Variants in NEDD9 observed in about 807,000 individuals in gnomAD.
NEDD9 encodes enhancer of filamentation 1.
A neutral mutation model predicts 76.6 loss-of-function variants in NEDD9; 26 were observed. The observed-to-expected ratio is 0.34, with a 90% CI of 0.25 to 0.47. The LOEUF is 0.47. Ranked by LOEUF, NEDD9 falls within the 20% of genes least tolerant of loss-of-function variation. The pLI, the probability that NEDD9 is intolerant of heterozygous loss-of-function variation, is 1.00. For synonymous variants in NEDD9, 392 were observed against 414.2 expected (o/e 0.95, Z 0.65); for missense variants, 937 against 1,058.5 (o/e 0.89, Z 1.59).
intron 3 of NEDD9, chr6:11,305,927 T>G: frequency 6.4e-7 from 1 of 1,564,582 alleles, no homozygotes; most frequent in East Asian, 2.2e-5. Flanking sequence ...TTGCAGAGAA[T>G]TTAGGCTGAG....
At chr6:11,374,995 C>T (rs1478828593) in intron 1 of NEDD9, among the ~76,000 whole-genome samples, 1 of 152,126 alleles carries the variant, frequency 6.6e-6, no homozygotes, top group Non-Finnish European at 1.5e-5. Context: ...TTTGATGTCC[C>T]CTAGCTAAAA....
At chr6:11,331,172 G>A (rs1046827028) in intron 2 of NEDD9, among the ~76,000 whole-genome samples, 1 of 152,166 alleles carries the variant, frequency 6.6e-6, no homozygotes, top group East Asian at 1.9e-4. Context: ...GATCTCCATG[G>A]GGAACAGTGG....
chr6:11,206,426 A>G (rs560067553), intron 2 of NEDD9, among the ~76,000 whole-genome samples: 4 of 151,782 alleles, frequency 2.6e-5, no homozygotes, highest in African/African-American at 7.2e-5. Flanking sequence ...TCTCAAAAAT[A>G]AAAAAAAAGA....
At chr6:11,242,456 G>C (rs1287765565) in intron 3 of NEDD9, among the ~76,000 whole-genome samples, 1 of 152,106 alleles carries the variant, frequency 6.6e-6, no homozygotes, top group Non-Finnish European at 1.5e-5. Context: ...GTGGAGAGTA[G>C]TGACAAGAAG....
At chr6:11,349,700 A>G (rs543778050) in intron 1 of NEDD9, among the ~76,000 whole-genome samples, 46 of 152,350 alleles carry the variant, frequency 3.0e-4, no homozygotes, top group African/African-American at 9.9e-4. Flanking sequence ...GTTCTTACTT[A>G]TAAGTGGGAG....
chr6:11,348,897 T>C (rs533782949), intron 1 of NEDD9, among the ~76,000 whole-genome samples: 3 of 152,252 alleles, frequency 2.0e-5, no homozygotes, highest in African/African-American at 7.2e-5. Flanking sequence ...CCAAAAGCAA[T>C]CTCAACAAAA....
intron 3 of NEDD9, among the ~76,000 whole-genome samples, chr6:11,273,921 C>T (rs1459030512): frequency 6.6e-6 from 1 of 152,180 alleles, no homozygotes; most frequent in South Asian, 2.1e-4. Context: ...CCAAGTCGAG[C>T]AAAGAAATGT....
intron 2 of NEDD9, among the ~76,000 whole-genome samples, chr6:11,194,060 C>G (rs1758230281): frequency 6.6e-6 from 1 of 152,028 alleles, no homozygotes. Context: ...AGGGTTTCAT[C>G]ATGTTGGCTG....
intron 3 of NEDD9, among the ~76,000 whole-genome samples, chr6:11,281,528 T>TA (rs1760538284): frequency 6.6e-6 from 1 of 152,188 alleles, no homozygotes; most frequent in African/African-American, 2.4e-5. Flanking sequence ...CTTTTGTTTT[T>TA]ATCTTTTTAG....
Position 11,213,535 on chromosome 6 carries a change from C to T in NEDD9, c.205G>A (p.Glu69Lys), listed in dbSNP as rs568561502. The change falls in exon 2 of 7, where the codon GAG becomes AAG. Residue 69 changes from glutamate to lysine, a missense_variant. Transcript: ENST00000379446. This position sits in a 1 kb window ranked among gnomAD's most constrained non-coding sequence, Gnocchi z 5.4. ...GGCTGCTCGTGACTGGAGGCAGTCT[C>T]CTGCATGGGACCAATCAGAAGCTTC... ...RVKLLIGPMQ[E>K]TASSHEQPAS... 1 of 1,614,148 alleles carries T rather than the reference C, an allele frequency of 6.2e-7. No individual in the cohort carries two copies. Among genetic ancestry groups the T allele is most frequent in the East Asian group, 2.2e-5 (1 of 44,874 alleles).
chr6:11,355,785 A>T (rs1236580564), intron 1 of NEDD9, among the ~76,000 whole-genome samples: 1 of 151,642 alleles, frequency 6.6e-6, no homozygotes, highest in Non-Finnish European at 1.5e-5. Context: ...CAGTGGCGCG[A>T]TCTCCGCTCA....
At position 11,241,014 on chromosome 6, in the gene NEDD9, A is replaced by C. The variant is rs929381183; in HGVS notation, c.13-27287T>G. Among the ~76,000 whole-genome samples the C allele has an allele frequency of 6.6e-6, 1 of 152,210 alleles. No individual in the cohort carries two copies. The highest frequency in any genetic ancestry group is 6.5e-5 in the Admixed American group (1 of 15,284). On this transcript the variant is annotated intron_variant, in intron 3 of 3. Coordinates refer to the NEDD9 transcript ENST00000397378. The surrounding 1 kb of genome is among the most constrained non-coding windows in gnomAD (Gnocchi z 4.0). ...GAGGTGTTCTGTTATTACATGCTTTAGTTTGTCCAAATAAACAACTTGTTA... is the reference window on the plus strand; with the variant it reads ...GAGGTGTTCTGTTATTACATGCTTTCGTTTGTCCAAATAAACAACTTGTTA...
At chr6:11,266,061 C>G (rs941169725) in intron 3 of NEDD9, among the ~76,000 whole-genome samples, 1 of 151,876 alleles carries the variant, frequency 6.6e-6, no homozygotes, top group Non-Finnish European at 1.5e-5. Flanking sequence ...GGGAGGGGAC[C>G]AAGAGAAATT....
At chr6:11,381,856 G>A (rs967008005) in intron 1 of NEDD9, among the ~76,000 whole-genome samples, 17 of 152,194 alleles carry the variant, frequency 1.1e-4, no homozygotes, top group Non-Finnish European at 2.1e-4. Context: ...AGGAAGAGGG[G>A]AGGGGCCATG....
At chr6:11,293,578 C>T (rs73721525) in intron 3 of NEDD9, among the ~76,000 whole-genome samples, 1,632 of 152,244 alleles carry the variant, frequency 0.011, 26 homozygotes, top group African/African-American at 0.038. Flanking sequence ...TTACCACAAC[C>T]AAGCTAATTG....
At position 11,294,099 on chromosome 6, in the gene NEDD9, C is replaced by T. The variant is rs552639338; in HGVS notation, c.12+11893G>A. 7.2e-5 allele frequency among the ~76,000 whole-genome samples: 11 copies of T among 152,142 alleles called. No individual in the cohort carries two copies. The South Asian group carries it at 1.0e-3, about 14-fold the overall frequency. The stretch of plus-strand genomic sequence containing the variant: ...AGTAGAATCAACACTTAGGTTGATT[C>T]TATATCCTGGCTATTGTGAATAATG... On this transcript the variant is annotated intron_variant, in intron 3 of 3. Coordinates refer to the NEDD9 transcript ENST00000397378.
intron 1 of NEDD9, among the ~76,000 whole-genome samples, chr6:11,374,727 A>G (rs1315455133): frequency 1.3e-5 from 2 of 152,218 alleles, no homozygotes; most frequent in Admixed American, 6.5e-5. Flanking sequence ...ATGGACCTTC[A>G]TGGAACCCAA....
At chr6:11,264,949 T>C (rs1288275067) in intron 3 of NEDD9, among the ~76,000 whole-genome samples, 1 of 152,234 alleles carries the variant, frequency 6.6e-6, no homozygotes, top group Non-Finnish European at 1.5e-5. Flanking sequence ...TCCTCTAGCC[T>C]TGCCTTCCCA....
intron 2 of NEDD9, among the ~76,000 whole-genome samples, chr6:11,310,760 C>T (rs1277384618): frequency 6.6e-6 from 1 of 152,160 alleles, no homozygotes; most frequent in Non-Finnish European, 1.5e-5. Context: ...TATTTGCTGT[C>T]TTTCTTCTGA....
Sources: gnomAD v4.1 joint callset for allele counts (sites outside exome capture counted in the v4.1 genomes callset) on GRCh38, gnomAD v4.1.1 for gene constraint, Gnocchi (gnomAD v3.1) non-coding constraint, MANE v1.5 for transcripts, NCBI Gene and HGNC (gene_info 2026-07-23, HGNC 2026-07-21) for gene names.